Variants in LANCL1 observed in about 807,000 individuals in gnomAD.
LANCL1 encodes the protein LanC like glutathione S-transferase 1.
Under a neutral mutation model 50.6 loss-of-function variants are expected in LANCL1, and 50 were observed. The ratio of observed to expected loss-of-function variants is 0.99; its 90% CI spans 0.79 to 1.25. The LOEUF (loss-of-function observed/expected upper bound fraction) is 1.25. Among genes scored for constraint, LANCL1 ranks in the 50% most tolerant of loss-of-function variants. The pLI is 0.00. For missense variants in LANCL1, 532 were observed against 480.7 expected (o/e 1.11, Z -1.00); for synonymous variants, 188 against 178.6 (o/e 1.05, Z -0.42).
chr2:210,437,410 GTTCT>G (rs1692970462), intron 7 of LANCL1, among the ~76,000 whole-genome samples: 1 of 152,114 alleles, frequency 6.6e-6, no homozygotes, highest in Admixed American at 6.5e-5. Flanking sequence ...CTTGGTTTTG[GTTCT>G]TTCGAGTACA....
chr2:210,472,866 T>C (rs16844516), intron 2 of LANCL1, among the ~76,000 whole-genome samples: 1 of 152,142 alleles, frequency 6.6e-6, no homozygotes, highest in East Asian at 1.9e-4. Flanking sequence ...TTGACATTTT[T>C]ACTAATTCTT....
At chr2:210,441,985 AC>A (rs1693153507) in intron 4 of LANCL1, among the ~76,000 whole-genome samples, 1 of 151,628 alleles carries the variant, frequency 6.6e-6, no homozygotes, top group Non-Finnish European at 1.5e-5. Flanking sequence ...GCTCACCGCA[AC>A]CTCCGCCTCC....
chr2:210,445,168 A>AT (rs3836056), intron 4 of LANCL1, among the ~76,000 whole-genome samples: 22 of 151,794 alleles, frequency 1.4e-4, no homozygotes, highest in African/African-American at 4.8e-4. Context: ...AATTACTGTA[A>AT]TTTTTTTTAA....
In LANCL1 at chr2:210,455,117, A is replaced by T. The variant is rs775480507; in HGVS notation, c.397T>A (p.Cys133Ser). ...TAGAAACATGATTACCGTGTGATGCAATCTTCTGCCTGCTTCTCATTGTTC... is the reference window on the plus strand; with the variant it reads ...TAGAAACATGATTACCGTGTGATGCTATCTTCTGCCTGCTTCTCATTGTTC... ...KMNNEKQAED[C>S]ITRLIHLNKI... Residue 133 changes from cysteine (C) to serine (S), a missense_variant, in exon 4 of 10, where the codon TGC (cysteine) becomes AGC (serine). Coordinates refer to ENST00000450366, the MANE Select transcript of LANCL1 (RefSeq NM_006055.3). 1 of 1,613,086 alleles carries T rather than the reference A, an allele frequency of 6.2e-7. No individual in the cohort carries two copies. The highest frequency in any genetic ancestry group is 1.3e-5 in the African/African-American group (1 of 74,890).
intron 4 of LANCL1, among the ~76,000 whole-genome samples, chr2:210,453,845 G>C (rs1231513990): frequency 6.6e-6 from 1 of 152,110 alleles, no homozygotes; most frequent in Non-Finnish European, 1.5e-5. Flanking sequence ...TTAAACTTTG[G>C]GGGAAATCAC....
intron 9 of LANCL1, 133 bp from the exon 10 acceptor site, chr2:210,434,696 C>T: frequency 1.5e-6 from 1 of 683,254 alleles, no homozygotes; most frequent in Non-Finnish European, 2.5e-6. Context: ...CAAACATCAA[C>T]AAAGGGTGCC....
chr2:210,454,358 A>C (rs949399172), intron 4 of LANCL1, among the ~76,000 whole-genome samples: 23 of 152,176 alleles, frequency 1.5e-4, no homozygotes, highest in Admixed American at 1.5e-3. Context: ...ATACACCAGC[A>C]AACAGTATAA....
In LANCL1 at chr2:210,433,689, C is replaced by T. The variant is rs763595577; in HGVS notation, c.*798G>A. The T allele has an allele frequency of 6.6e-6, 1 of 152,112 alleles. No homozygotes were observed. Among genetic ancestry groups the T allele is most frequent in the South Asian group, 2.1e-4 (1 of 4,818 alleles). The allele number at this position is 152,112 out of a possible 1,614,324, so 9.4% of individuals were successfully genotyped here. On this transcript the variant is annotated 3_prime_UTR_variant, in exon 10 of 10. Transcript: ENST00000450366. ...CTGATCTTATTTGAATACTGAAAAACACACATATTTAAATAAAGAGTTCCA... is the reference window on the plus strand; with the variant it reads ...CTGATCTTATTTGAATACTGAAAAATACACATATTTAAATAAAGAGTTCCA...
At chr2:210,476,482 G>GGCGCCCA in intron 1 of LANCL1, 70 bp from the exon 2 acceptor site, 10 of 989,522 alleles carry the variant, frequency 1.0e-5, no homozygotes, top group Non-Finnish European at 1.4e-5. Context: ...GGGCGGCGGC[G>GGCGCCCA]GCGCCCAGGT....
At chr2:210,448,484 CAAG>C (rs967119303) in intron 4 of LANCL1, among the ~76,000 whole-genome samples, 1 of 151,850 alleles carries the variant, frequency 6.6e-6, no homozygotes, top group Non-Finnish European at 1.5e-5. Flanking sequence ...TAGCAGAAGA[CAAG>C]AAATAAGTAA....
Position 210,436,296 on chromosome 2 carries a change from C to G in LANCL1, c.970G>C (p.Gly324Arg). Residue 324 changes from glycine to arginine, a missense_variant, in exon 8 of 10, where the codon GGT becomes CGT. Gly to Arg is a moderately radical substitution (Grantham distance 125). Transcript: ENST00000450366. ...AAGGCATAGGCATTCCCTGCAGAACCGTGGCACAGCCCATATCCCTTCTTC... is the reference window on the plus strand; with the variant it reads ...AAGGCATAGGCATTCCCTGCAGAACGGTGGCACAGCCCATATCCCTTCTTC... ...LLKKGYGLCH[G>R]SAGNAYAFLT... is the part of the protein sequence containing the mutation. 4 of 1,614,034 alleles carry G rather than the reference C, an allele frequency of 2.5e-6. No individual in the cohort carries two copies. Among genetic ancestry groups the G allele is most frequent in the Non-Finnish European group, 3.4e-6 (4 of 1,179,974 alleles).
chr2:210,445,588 A>C (rs1041072490), intron 4 of LANCL1, among the ~76,000 whole-genome samples: 1 of 152,162 alleles, frequency 6.6e-6, no homozygotes, highest in African/African-American at 2.4e-5. Flanking sequence ...AAGATATAAG[A>C]CTAAAAATAA....
chr2:210,432,902 G>A lies in LANCL1; in HGVS notation c.*1585C>T, dbSNP rs1030986232. Reference sequence around the variant, plus strand: ...AAGGAGGAAGCTGATCCTGGAAACTGAGCAGTGGGCTGCTTTTTAAATCCT... The same window carrying A: ...AAGGAGGAAGCTGATCCTGGAAACTAAGCAGTGGGCTGCTTTTTAAATCCT... On this transcript the variant is annotated 3_prime_UTR_variant, in exon 10 of 10. Coordinates refer to ENST00000450366, the MANE Select transcript of LANCL1 (RefSeq NM_006055.3). 5 of 152,448 alleles carry A rather than the reference G, an allele frequency of 3.3e-5. No individual in the cohort carries two copies. The highest frequency in any genetic ancestry group is 1.2e-4 in the African/African-American group (5 of 41,460). The allele number at this position is 152,448 out of a possible 1,614,324, so 9.4% of individuals were successfully genotyped here.
chr2:210,440,931 G>T (rs956507290), intron 5 of LANCL1, among the ~76,000 whole-genome samples, 187 bp from the exon 6 acceptor site: 3 of 152,188 alleles, frequency 2.0e-5, no homozygotes, highest in Non-Finnish European at 4.4e-5. Flanking sequence ...CCTAGAAGGG[G>T]GAGGGCGTAG....
chr2:210,462,927 T>G (rs1693908394), intron 3 of LANCL1, among the ~76,000 whole-genome samples: 1 of 152,202 alleles, frequency 6.6e-6, no homozygotes, highest in African/African-American at 2.4e-5. Flanking sequence ...ATGGAATGAG[T>G]ATCATGTCAT....
intron 9 of LANCL1, among the ~76,000 whole-genome samples, chr2:210,435,106 G>A (rs1435291679): frequency 6.6e-6 from 1 of 152,064 alleles, no homozygotes; most frequent in Non-Finnish European, 1.5e-5. Context: ...CATGAAGGTA[G>A]TAGTGCCTGT....
Position 210,455,185 on chromosome 2 carries a change from T to A in LANCL1, c.329A>T (p.Asp110Val), listed in dbSNP as rs779644549. ...TKRSITFLCG[D>V]AGPLAVAAVL... ...AGCGGCCACTGCCAGGGGGCCTGCA[T>A]CCCCACAAAGGAAGGTGATGGAGCG... Residue 110 changes from aspartate to valine, a missense_variant, in exon 4 of 10, where the codon GAT (aspartate) becomes GTT (valine). Transcript: ENST00000450366. The A allele has an allele frequency of 6.2e-7, 1 of 1,613,732 alleles. No homozygotes were observed. Among genetic ancestry groups the A allele is most frequent in the Non-Finnish European group, 8.5e-7 (1 of 1,179,742 alleles).
intron 3 of LANCL1, among the ~76,000 whole-genome samples, chr2:210,462,933 G>T (rs554617938): frequency 3.3e-5 from 5 of 152,276 alleles, no homozygotes; most frequent in South Asian, 2.1e-4. Flanking sequence ...TGAGTATCAT[G>T]TCATTGTTCA....
intron 3 of LANCL1, among the ~76,000 whole-genome samples, chr2:210,460,212 T>G (rs72930513): frequency 0.016 from 2,392 of 152,324 alleles, 31 homozygotes; most frequent in Middle Eastern, 0.024. Context: ...GCCACGGTAC[T>G]TTAGCTCTGT....
Sources: gnomAD v4.1 joint callset for allele counts (sites outside exome capture counted in the v4.1 genomes callset) on GRCh38, gnomAD v4.1.1 for gene constraint, MANE v1.5 for transcripts, NCBI Gene and HGNC (gene_info 2026-07-23, HGNC 2026-07-21) for gene names.